VPS13D: variants seen among roughly 807,000 people sequenced by gnomAD.
VPS13D encodes vacuolar protein sorting 13 homolog D.
Under a neutral mutation model 461.9 loss-of-function variants are expected in VPS13D, and 187 were observed. The observed-to-expected ratio is 0.40, with a 90% confidence interval of 0.36 to 0.46. VPS13D has a LOEUF of 0.46. VPS13D is among the 20% of genes least tolerant of loss of function. VPS13D has a pLI of 0.60. For synonymous variants in VPS13D, 1,951 were observed against 1,986.3 expected, an observed-to-expected ratio of 0.98 and a Z score of 0.47; for missense variants, 4,711 against 5,364.9, an observed-to-expected ratio of 0.88 and a Z score of 3.81.
chr1:12,304,421 T>G, intron 25 of VPS13D, 85 bp from the exon 26 acceptor site: 1 of 1,259,004 alleles, frequency 7.9e-7, no homozygotes, highest in Non-Finnish European at 1.1e-6. Context: ...GGATAGGACT[T>G]TGGAGATATT....
chr1:12,333,412 A>G, intron 38 of VPS13D, 46 bp downstream of exon 38: 1 of 1,605,006 alleles, frequency 6.2e-7, no homozygotes, highest in Non-Finnish European at 8.5e-7. Flanking sequence ...TTCCGTACCT[A>G]AGTTCTGAGT....
chr1:12,340,699 G>C (rs1466638999), intron 40 of VPS13D, among the ~76,000 whole-genome samples: 1 of 152,236 alleles, frequency 6.6e-6, no homozygotes. Context: ...TGCAGAGCAT[G>C]TGGGTCATGG....
At chr1:12,271,761 T>C (rs1365748877) in intron 17 of VPS13D, among the ~76,000 whole-genome samples, 3 of 152,180 alleles carry the variant, frequency 2.0e-5, no homozygotes, top group Admixed American at 2.0e-4. Context: ...CTTTTTTGCT[T>C]ACTGTTACCA....
chr1:12,452,344 A>G (rs1645273473), intron 65 of VPS13D, among the ~76,000 whole-genome samples: 1 of 152,216 alleles, frequency 6.6e-6, no homozygotes, highest in Non-Finnish European at 1.5e-5. Context: ...GTCACTCCCT[A>G]CATGATGGTG....
intron 65 of VPS13D, among the ~76,000 whole-genome samples, chr1:12,434,699 C>T (rs1445125589): frequency 2.6e-5 from 4 of 151,964 alleles, no homozygotes; most frequent in Non-Finnish European, 4.4e-5. Context: ...TTTTTGAAAG[C>T]AGTTTTGTTC....
intron 13 of VPS13D, among the ~76,000 whole-genome samples, chr1:12,263,272 C>T (rs530004749): frequency 1.8e-4 from 27 of 152,232 alleles, no homozygotes; most frequent in African/African-American, 6.0e-4. Context: ...AAAAACATGG[C>T]GCCAAATAGA....
chr1:12,398,970 T>C (rs1644536174), intron 60 of VPS13D, among the ~76,000 whole-genome samples: 1 of 152,146 alleles, frequency 6.6e-6, no homozygotes, highest in Non-Finnish European at 1.5e-5. Flanking sequence ...TCTTCTCAGC[T>C]TCTTCCTCTG....
In VPS13D at chr1:12,497,486, A is replaced by T. The variant is rs768415698; in HGVS notation, c.12663-14A>T. The T allele has an allele frequency of 6.2e-7, 1 of 1,607,162 alleles. No individual in the cohort carries two copies. The highest frequency in any genetic ancestry group is 8.5e-7 in the Non-Finnish European group (1 of 1,176,602). ...CACTTAACCTCTTGGCTTTATGTCC[A>T]TTTACCCATCTAGGACTCAAGCACA... On this transcript the variant is annotated splice_polypyrimidine_tract_variant and intron_variant, in intron 67 of 69. Coordinates refer to ENST00000620676, the MANE Select transcript of VPS13D (RefSeq NM_015378.4).
chr1:12,325,972 ATTTCT>A (rs1003751498), intron 35 of VPS13D, among the ~76,000 whole-genome samples: 16 of 127,374 alleles, frequency 1.3e-4, no homozygotes, highest in Admixed American at 2.3e-4. Flanking sequence ...TCTTTACTTG[ATTTCT>A]TTTTTTTTTT....
chr1:12,369,179 G>C (rs935656676), intron 53 of VPS13D, among the ~76,000 whole-genome samples: 1 of 152,080 alleles, frequency 6.6e-6, no homozygotes, highest in Non-Finnish European at 1.5e-5. Flanking sequence ...TTGGCAAAGC[G>C]TTTAAAGCCT....
rs1224835990 is a variant in VPS13D, at chr1:12,356,040, G to C, written c.9821G>C (p.Gly3274Ala). 3.1e-6 allele frequency: 5 copies of C among 1,613,724 alleles called. No homozygotes were observed. Among genetic ancestry groups the C allele is most frequent in the Non-Finnish European group, 4.2e-6 (5 of 1,179,876 alleles). The change falls in exon 48 of 70, where the codon GGA becomes GCA. Residue 3274 changes from glycine (G) to alanine (A), a missense_variant. This residue lies in a region of VPS13D where 4,411 missense variants were observed against 4,937.8 expected (regional missense o/e 0.89). Coordinates refer to ENST00000620676, the MANE Select transcript of VPS13D (RefSeq NM_015378.4). ...ATCCGGATTGTGTGTCGAGCAGAAG[G>C]ATCCTTAAAGATCTTCATTTCTGCT... ...LTIRIVCRAE[G>A]SLKIFISAPY...
chr1:12,244,129 TA>T (rs1435887396), intron 3 of VPS13D, 116 bp from the exon 4 acceptor site: 136 of 1,035,368 alleles, frequency 1.3e-4, no homozygotes, highest in Middle Eastern at 3.0e-4. Flanking sequence ...TTGTTTTAAA[TA>T]AAAAAAAGTA....
chr1:12,313,996 A>G, intron 29 of VPS13D, 119 bp from the exon 30 acceptor site: 1 of 800,970 alleles, frequency 1.2e-6, no homozygotes, highest in East Asian at 2.7e-5. Flanking sequence ...AATGAAAGTT[A>G]TTCTCCTTAT....
intron 46 of VPS13D, among the ~76,000 whole-genome samples, chr1:12,352,082 G>A (rs1348955253): frequency 6.6e-6 from 1 of 151,562 alleles, no homozygotes; most frequent in African/African-American, 2.4e-5. Flanking sequence ...TTGAGATCAG[G>A]GGTTCGAGAC....
chr1:12,363,107 T>C lies in VPS13D; in HGVS notation c.10308T>C (p.Leu3436=), dbSNP rs771202005. The C allele has an allele frequency of 1.5e-5, 25 of 1,614,082 alleles. No individual in the cohort carries two copies. In the East Asian group the frequency reaches 5.6e-4, roughly 36 times the overall value. The part of the protein sequence containing the change: ...TANPEGYIST[L]PGSSVVFHWP... ...ATCCCGAAGGTTACATTTCCACCCTTCCTGGTTCCAGTGTGGTGTTCCACT... is the reference window on the plus strand; with the variant it reads ...ATCCCGAAGGTTACATTTCCACCCTCCCTGGTTCCAGTGTGGTGTTCCACT... The change falls in exon 52 of 70, where the codon CTT becomes CTC. Residue 3436 remains leucine (L), a synonymous_variant. Transcript: ENST00000620676.
intron 43 of VPS13D, 34 bp downstream of exon 43, chr1:12,345,543 G>T (rs750379049): frequency 6.3e-7 from 1 of 1,591,506 alleles, no homozygotes; most frequent in Admixed American, 1.7e-5. Context: ...ATGGTTAAGC[G>T]ACTGTCAGGA....
intron 68 of VPS13D, among the ~76,000 whole-genome samples, 176 bp from the exon 69 acceptor site, chr1:12,506,677 C>G (rs1444622012): frequency 6.6e-6 from 1 of 152,254 alleles, no homozygotes; most frequent in Non-Finnish European, 1.5e-5. Flanking sequence ...TCCAAAAATG[C>G]TCACAGAAAA....
intron 50 of VPS13D, among the ~76,000 whole-genome samples, chr1:12,360,852 G>A (rs1643936311): frequency 6.6e-6 from 1 of 152,186 alleles, no homozygotes. Context: ...TTATAATTGG[G>A]ATTGTGTTGA....
intron 60 of VPS13D, among the ~76,000 whole-genome samples, chr1:12,390,170 G>T (rs1290131743): frequency 1.3e-5 from 2 of 152,186 alleles, no homozygotes; most frequent in East Asian, 3.8e-4. Flanking sequence ...AATTTTGCTA[G>T]TGGATCATTA....
Sources: gnomAD v4.1 joint callset for allele counts (sites outside exome capture counted in the v4.1 genomes callset) on GRCh38, gnomAD v4.1.1 for gene constraint, gnomAD v4.1.1 regional missense constraint, MANE v1.5 for transcripts, NCBI Gene and HGNC (gene_info 2026-07-23, HGNC 2026-07-21) for gene names.